EBF2: variants seen among roughly 807,000 people sequenced by gnomAD.
EBF2 encodes transcription factor COE2.
Under a neutral mutation model 72.8 loss-of-function variants are expected in EBF2, and 21 were observed. The ratio of observed to expected loss-of-function variants is 0.29; its 90% CI spans 0.20 to 0.42. The LOEUF is 0.42. Ranked by LOEUF, EBF2 falls within the 10% of genes least tolerant of loss-of-function variation. The probability of loss-of-function intolerance (pLI) is 1.00; values close to 1 mark genes in which losing one functional copy is unlikely to be tolerated. For missense variants in EBF2, 637 were observed against 731.2 expected (o/e 0.87, Z 1.49); for synonymous variants, 299 against 274.2 (o/e 1.09, Z -0.89).
intron 6 of EBF2, among the ~76,000 whole-genome samples, chr8:25,924,706 C>T (rs1481090173): frequency 6.6e-6 from 1 of 152,154 alleles, no homozygotes; most frequent in African/African-American, 2.4e-5. Flanking sequence ...AAAACAGGGC[C>T]AAATGGCTTT....
intron 10 of EBF2, among the ~76,000 whole-genome samples, chr8:25,870,084 A>G (rs1802407621): frequency 1.3e-5 from 2 of 152,174 alleles, no homozygotes; most frequent in Admixed American, 6.6e-5. Context: ...CAAGAGCTAC[A>G]GATGCAAAAG....
chr8:25,889,106 A>G (rs1802736265), intron 8 of EBF2, among the ~76,000 whole-genome samples: 1 of 152,218 alleles, frequency 6.6e-6, no homozygotes, highest in Admixed American at 6.5e-5. Flanking sequence ...CTAAAATAGT[A>G]GCCTAGTTTG....
chr8:25,903,517 A>G (rs1257648800), intron 7 of EBF2, among the ~76,000 whole-genome samples: 2 of 142,266 alleles, frequency 1.4e-5, no homozygotes, highest in African/African-American at 5.3e-5. Context: ...AACACGGTGA[A>G]ACCCCGTTTC....
At chr8:25,847,856 A>G (rs1457121995) in intron 15 of EBF2, among the ~76,000 whole-genome samples, 3 of 151,966 alleles carry the variant, frequency 2.0e-5, no homozygotes, top group African/African-American at 7.2e-5. Context: ...AGGTAGTTCT[A>G]TTTTTTTCCT....
chr8:25,936,688 C>T (rs143435753), intron 6 of EBF2, among the ~76,000 whole-genome samples: 195 of 152,166 alleles, frequency 1.3e-3, no homozygotes, highest in African/African-American at 4.5e-3. Flanking sequence ...AAGAGGGTTT[C>T]GTTGTTGTTG....
At chr8:25,958,401 ATTT>A (rs61438717) in intron 6 of EBF2, among the ~76,000 whole-genome samples, 1 of 150,164 alleles carries the variant, frequency 6.7e-6, no homozygotes, top group Non-Finnish European at 1.5e-5. Context: ...TTTCCCCGGC[ATTT>A]TTTTTTTTCT....
chr8:25,994,817 A>G (rs191337129), intron 6 of EBF2, among the ~76,000 whole-genome samples: 65 of 152,286 alleles, frequency 4.3e-4, no homozygotes, highest in South Asian at 1.0e-3. Context: ...AAAACTACCT[A>G]TGTGTGCTAT....
intron 6 of EBF2, among the ~76,000 whole-genome samples, chr8:26,029,852 C>T (rs1805369915): frequency 6.6e-6 from 1 of 152,172 alleles, no homozygotes; most frequent in African/African-American, 2.4e-5. Flanking sequence ...TGATCCAAAC[C>T]CCTGGATACC....
At chr8:25,890,417 TC>T (rs1430827641) in intron 7 of EBF2, among the ~76,000 whole-genome samples, 3 of 152,140 alleles carry the variant, frequency 2.0e-5, no homozygotes, top group Non-Finnish European at 2.9e-5. Context: ...TTGCCATAAT[TC>T]AGTGTTGAAA....
At chr8:26,033,727 G>A (rs1225139264) in intron 5 of EBF2, among the ~76,000 whole-genome samples, 1 of 148,544 alleles carries the variant, frequency 6.7e-6, no homozygotes, top group Non-Finnish European at 1.5e-5. Flanking sequence ...TATACGTCCT[G>A]CACATGGTCC....
chr8:25,932,803 C>CTT (rs756847350), intron 6 of EBF2, among the ~76,000 whole-genome samples: 1 of 146,000 alleles, frequency 6.8e-6, no homozygotes, highest in African/African-American at 2.5e-5. Flanking sequence ...CAGAAGCAGA[C>CTT]TTTTTTTTTT....
At chr8:25,965,754 C>T (rs1371787545) in intron 6 of EBF2, among the ~76,000 whole-genome samples, 3 of 152,112 alleles carry the variant, frequency 2.0e-5, no homozygotes, top group Non-Finnish European at 4.4e-5. Flanking sequence ...ACTGTAGGGC[C>T]CTAGAGTCAC....
At chr8:25,864,796 A>T (rs1281596645) in intron 10 of EBF2, among the ~76,000 whole-genome samples, 2 of 143,370 alleles carry the variant, frequency 1.4e-5, no homozygotes, top group Non-Finnish European at 3.0e-5. Context: ...CATTTTCTCA[A>T]CTATTTTTTT....
intron 2 of EBF2, 188 bp from the exon 3 acceptor site, chr8:26,041,190 C>T: frequency 1.5e-6 from 1 of 648,646 alleles, no homozygotes. Context: ...GGAAACTTGC[C>T]AAGACTCGTA....
At chr8:25,965,683 G>A (rs907881601) in intron 6 of EBF2, among the ~76,000 whole-genome samples, 2 of 152,144 alleles carry the variant, frequency 1.3e-5, no homozygotes, top group Non-Finnish European at 2.9e-5. Context: ...CAACTGCTAT[G>A]AAGGCCACCA....
chr8:26,016,913 G>A (rs1029349529), intron 6 of EBF2, among the ~76,000 whole-genome samples: 1 of 152,014 alleles, frequency 6.6e-6, no homozygotes, highest in African/African-American at 2.4e-5. Flanking sequence ...TAGTTAAATG[G>A]TTAAAAATAA....
At chr8:25,980,307 C>T (rs1473731360) in intron 6 of EBF2, among the ~76,000 whole-genome samples, 3 of 152,130 alleles carry the variant, frequency 2.0e-5, no homozygotes, top group Non-Finnish European at 4.4e-5. Context: ...CACAGTTAAA[C>T]GTGTAAGGAG....
chr8:25,844,552 C>A lies in EBF2; in HGVS notation c.*57G>T. 1 of 1,603,376 alleles carries A rather than the reference C, an allele frequency of 6.2e-7. No individual in the cohort carries two copies. Among genetic ancestry groups the A allele is most frequent in the Non-Finnish European group, 8.5e-7 (1 of 1,170,438 alleles). On this transcript the variant is annotated 3_prime_UTR_variant, in exon 16 of 16. Transcript: ENST00000520164. Reference sequence around the variant, plus strand: ...CCCCCAAAAGAGCTCCTAGTGCTTTCTTCATTATTGGTCCATCAGAGTAAG... The same window carrying A: ...CCCCCAAAAGAGCTCCTAGTGCTTTATTCATTATTGGTCCATCAGAGTAAG...
Position 25,983,150 on chromosome 8 carries a change from A to G in EBF2, c.551+49935T>C, listed in dbSNP as rs553569067. On this transcript the variant is annotated intron_variant, in intron 6 of 15. Coordinates refer to ENST00000520164, the MANE Select transcript of EBF2 (RefSeq NM_022659.4). ...TTAAAGACGGAACTCCCATATATCAAAAATAGTGTAGAAATGGTCGCATAC... is the reference window on the plus strand; with the variant it reads ...TTAAAGACGGAACTCCCATATATCAGAAATAGTGTAGAAATGGTCGCATAC... 3.3e-5 allele frequency among the ~76,000 whole-genome samples: 5 copies of G among 152,264 alleles called. No homozygotes were observed. In the South Asian group the frequency reaches 1.0e-3, roughly 32 times the overall value.
Sources: allele counts gnomAD v4.1 joint callset (sites outside exome capture counted in the v4.1 genomes callset), GRCh38; gene constraint gnomAD v4.1.1; transcripts MANE v1.5; gene names NCBI Gene and HGNC (gene_info 2026-07-23, HGNC 2026-07-21).